The following ZNF566 variants were observed in gnomAD, a reference collection of about 807,000 sequenced individuals.
ZNF566 encodes zinc finger protein 566.
In ZNF566, 27 loss-of-function variants were observed where a neutral mutation model predicts 32.8. The ratio of observed to expected loss-of-function variants is 0.82; its 90% CI spans 0.61 to 1.14. The LOEUF (loss-of-function observed/expected upper bound fraction) is 1.14. Among genes scored for constraint, ZNF566 ranks in the 50% most tolerant of loss-of-function variants. ZNF566 has a pLI of 0.00. For missense variants in ZNF566, 402 were observed against 490.4 expected, an observed-to-expected ratio of 0.82 and a Z score of 1.70; for synonymous variants, 154 against 159.5, an observed-to-expected ratio of 0.97 and a Z score of 0.26.
At chr19:36,462,772 G>T (rs1425184472) in intron 4 of ZNF566, among the ~76,000 whole-genome samples, 3 of 150,644 alleles carry the variant, frequency 2.0e-5, no homozygotes, top group Admixed American at 6.6e-5. Flanking sequence ...CCTGGCTAAC[G>T]CGGTGAAACC....
intron 4 of ZNF566, among the ~76,000 whole-genome samples, chr19:36,471,404 T>C (rs576309322): frequency 6.6e-6 from 1 of 151,984 alleles, no homozygotes; most frequent in East Asian, 1.9e-4. Context: ...CTGCTCTCAC[T>C]CCTCCAGTCA....
At chr19:36,489,143 GCA>G (rs1039648450) in intron 1 of ZNF566, among the ~76,000 whole-genome samples, 5 of 152,098 alleles carry the variant, frequency 3.3e-5, no homozygotes, top group African/African-American at 9.7e-5. Flanking sequence ...GAACTCTGCC[GCA>G]CACAGTCACA....
chr19:36,486,093 T>C (rs1190533121), intron 1 of ZNF566, among the ~76,000 whole-genome samples: 2 of 151,988 alleles, frequency 1.3e-5, no homozygotes, highest in African/African-American at 4.8e-5. Flanking sequence ...AAGAAAAAGA[T>C]ATTTTACAAA....
chr19:36,482,086 G>A (rs544854290), intron 1 of ZNF566, among the ~76,000 whole-genome samples: 1 of 152,226 alleles, frequency 6.6e-6, no homozygotes, highest in East Asian at 1.9e-4. Context: ...GAGTCTGTGG[G>A]AACTAAGTTA....
chr19:36,455,044 A>G (rs1334830955), intron 4 of ZNF566, among the ~76,000 whole-genome samples: 1 of 152,220 alleles, frequency 6.6e-6, no homozygotes, highest in Non-Finnish European at 1.5e-5. Context: ...AGTGAGATTT[A>G]TTCCTAGGAT....
At chr19:36,488,847 T>C (rs1440892704) in intron 1 of ZNF566, among the ~76,000 whole-genome samples, 3 of 152,104 alleles carry the variant, frequency 2.0e-5, no homozygotes, top group Non-Finnish European at 4.4e-5. Context: ...ACGTAAGTGA[T>C]AAAACCTCAC....
chr19:36,475,260 G>A (rs1033619756), intron 2 of ZNF566, among the ~76,000 whole-genome samples: 2 of 152,020 alleles, frequency 1.3e-5, no homozygotes, highest in East Asian at 3.9e-4. Context: ...GCCCAGGCTA[G>A]TCACCTGGGT....
rs576591867 is a variant in ZNF566 at position 36,453,517 on chromosome 19, T to A, written c.233-3516A>T. Among the ~76,000 whole-genome samples, 282 of 136,702 alleles carry A rather than the reference T, an allele frequency of 2.1e-3. 2 individuals are homozygous for A. The highest frequency in any genetic ancestry group is 0.016 in the Middle Eastern group (4 of 252). The allele number at this position is 136,702 out of a possible 152,430, so 89.7% of individuals were successfully genotyped here. ...TAAATAAATAAATAAATTAATTAAT[T>A]AAAATAAAATAAAAATAAAAATAAA... On this transcript the variant is annotated intron_variant, in intron 4 of 4. Coordinates refer to ENST00000452939, the MANE Select transcript of ZNF566 (RefSeq NM_001145344.1).
intron 4 of ZNF566, among the ~76,000 whole-genome samples, chr19:36,450,831 C>T (rs2033138750): frequency 6.6e-6 from 1 of 152,134 alleles, no homozygotes; most frequent in Non-Finnish European, 1.5e-5. Flanking sequence ...TCTATGGATG[C>T]TTTTGCGCTA....
chr19:36,454,764 C>T (rs937165166), intron 4 of ZNF566, among the ~76,000 whole-genome samples: 15 of 152,060 alleles, frequency 9.9e-5, no homozygotes, highest in Admixed American at 6.6e-5. Flanking sequence ...AAATAAAAGA[C>T]AAAGACTTGA....
At chr19:36,476,305 C>T (rs561496308) in intron 2 of ZNF566, 159 of 345,834 alleles carry the variant, frequency 4.6e-4, no homozygotes, top group African/African-American at 4.0e-3. Flanking sequence ...GACTCCATCT[C>T]GAAAAAAAAA....
chr19:36,478,553 C>T (rs1181657306), intron 1 of ZNF566, among the ~76,000 whole-genome samples: 1 of 151,924 alleles, frequency 6.6e-6, no homozygotes, highest in Non-Finnish European at 1.5e-5. Flanking sequence ...AGGGCAGCCT[C>T]CCATGCTGAA....
intron 4 of ZNF566, among the ~76,000 whole-genome samples, chr19:36,461,512 C>CA (rs990790981): frequency 2.0e-4 from 30 of 151,482 alleles, no homozygotes; most frequent in African/African-American, 3.9e-4. Context: ...ACTAAAAATA[C>CA]AAAAAAAATT....
chr19:36,455,160 A>G (rs930968025), intron 4 of ZNF566, among the ~76,000 whole-genome samples: 1 of 152,186 alleles, frequency 6.6e-6, no homozygotes, highest in African/African-American at 2.4e-5. Flanking sequence ...AAAATTCAAC[A>G]TACTTTCATA....
At chr19:36,485,489 C>T (rs1317082639) in intron 1 of ZNF566, among the ~76,000 whole-genome samples, 1 of 147,746 alleles carries the variant, frequency 6.8e-6, no homozygotes, top group Non-Finnish European at 1.5e-5. Flanking sequence ...GTGCTGGGCG[C>T]GGTAGCTCAT....
At chr19:36,468,076 T>G (rs888294576) in intron 4 of ZNF566, among the ~76,000 whole-genome samples, 39 of 150,494 alleles carry the variant, frequency 2.6e-4, no homozygotes, top group African/African-American at 9.4e-4. Flanking sequence ...TCCCAGCTAC[T>G]TCGGAGGCTG....
At chr19:36,481,940 GAGAA>G (rs1284791506) in intron 1 of ZNF566, among the ~76,000 whole-genome samples, 1 of 152,120 alleles carries the variant, frequency 6.6e-6, no homozygotes, top group African/African-American at 2.4e-5. Context: ...GTATCATTAA[GAGAA>G]AGAAACAATG....
chr19:36,485,661 C>G (rs962147556), intron 1 of ZNF566, among the ~76,000 whole-genome samples: 1 of 151,652 alleles, frequency 6.6e-6, no homozygotes, highest in Non-Finnish European at 1.5e-5. Context: ...ACTCGGGAGG[C>G]TGAGGCAGGA....
At position 36,466,624 on chromosome 19, in the gene ZNF566, T is replaced by C. The variant is rs552147866; in HGVS notation, c.232+6287A>G. On this transcript the variant is annotated intron_variant, in intron 4 of 4. Transcript: ENST00000452939. Reference sequence around the variant, plus strand: ...AGCATAAAAGAAAAGATGGATACATTTGACTACAGTAATCATTAAGAACTT... The same window carrying C: ...AGCATAAAAGAAAAGATGGATACATCTGACTACAGTAATCATTAAGAACTT... Among the ~76,000 whole-genome samples the C allele has an allele frequency of 4.6e-5, 7 of 152,230 alleles. No individual in the cohort carries two copies. The South Asian group carries it at 1.2e-3, about 27-fold the overall frequency.
Sources: allele counts gnomAD v4.1 joint callset (sites outside exome capture counted in the v4.1 genomes callset), GRCh38; gene constraint gnomAD v4.1.1; transcripts MANE v1.5; gene names NCBI Gene and HGNC (gene_info 2026-07-23, HGNC 2026-07-21).